The following CACNB1 variants were observed in gnomAD, a reference collection of about 807,000 sequenced individuals.
CACNB1 encodes voltage-dependent L-type calcium channel subunit beta-1.
A neutral mutation model predicts 71.6 loss-of-function variants in CACNB1; 29 were observed. That is an observed-to-expected ratio of 0.40 (90% CI 0.30 to 0.55). The LOEUF (loss-of-function observed/expected upper bound fraction) is 0.55, where lower values mean the gene tolerates loss of function less well. Ranked by LOEUF, CACNB1 falls within the 20% of genes least tolerant of loss-of-function variation. The probability of loss-of-function intolerance (pLI) is 0.38; values close to 1 mark genes in which losing one functional copy is unlikely to be tolerated. For synonymous variants in CACNB1, 300 were observed against 319.6 expected (o/e 0.94, Z 0.65); for missense variants, 623 against 801.8 (o/e 0.78, Z 2.69).
Position 39,177,493 on chromosome 17 carries a change from C to T in CACNB1, c.1189G>A (p.Ala397Thr), listed in dbSNP as rs1334416191. The change falls in exon 13 of 14, where the codon GCC (alanine) becomes ACC (threonine). Residue 397 changes from alanine to threonine, a missense_variant. Ala to Thr is a moderately conservative substitution (Grantham distance 58). Coordinates refer to ENST00000394303, the MANE Select transcript of CACNB1 (RefSeq NM_000723.5). ...IILDENQLED[A>T]CEHLAEYLEA... The stretch of plus-strand genomic sequence containing the variant: ...AAGTACTCCGCCAGATGCTCGCAGG[C>T]ATCCTCCAATTGGTTCTCATCCAGG... 1 of 1,607,544 alleles carries T rather than the reference C, an allele frequency of 6.2e-7. No individual in the cohort carries two copies. The highest frequency in any genetic ancestry group is 1.7e-5 in the Admixed American group (1 of 59,738).
intron 6 of CACNB1, among the ~76,000 whole-genome samples, chr17:39,185,706 C>CTCCTA (rs1440524887): frequency 3.8e-4 from 58 of 152,158 alleles, no homozygotes; most frequent in Non-Finnish European, 4.3e-4. Flanking sequence ...GACCACCAAA[C>CTCCTA]CCTGCTGCCC....
chr17:39,195,152 G>A, intron 1 of CACNB1, 182 bp from the exon 2 acceptor site: 2 of 564,322 alleles, frequency 3.5e-6, no homozygotes, highest in Non-Finnish European at 6.3e-6. Flanking sequence ...CATCCTCACG[G>A]AGAGGGCCCA....
chr17:39,178,108 G>T, intron 11 of CACNB1, 29 bp from the exon 12 acceptor site: 1 of 1,545,266 alleles, frequency 6.5e-7, no homozygotes, highest in South Asian at 1.1e-5. Flanking sequence ...AAAGGAAGAG[G>T]AGCTAGAGGG....
chr17:39,190,908 T>C (rs2046059079), intron 3 of CACNB1, among the ~76,000 whole-genome samples: 1 of 151,926 alleles, frequency 6.6e-6, no homozygotes, highest in East Asian at 1.9e-4. Context: ...ACACAGCTAT[T>C]AAGAGTCAGG....
At chr17:39,191,437 A>G in intron 3 of CACNB1, 37 bp downstream of exon 3, 1 of 1,570,392 alleles carries the variant, frequency 6.4e-7, no homozygotes, top group Non-Finnish European at 8.6e-7. Context: ...ACTGGGGGAA[A>G]TCATGCCAGC....
At chr17:39,179,758 A>C (rs989930775) in intron 11 of CACNB1, among the ~76,000 whole-genome samples, 2 of 151,382 alleles carry the variant, frequency 1.3e-5, no homozygotes, top group African/African-American at 4.9e-5. Context: ...ATAATACAAA[A>C]ATTAGCTTGG....
At position 39,197,402 on chromosome 17, in the gene CACNB1, C is replaced by G. The variant is rs1206282452; in HGVS notation, c.84+10G>C. 2.1e-6 allele frequency: 3 copies of G among 1,447,104 alleles called. No individual in the cohort carries two copies. Among genetic ancestry groups the G allele is most frequent in the African/African-American group, 1.5e-5 (1 of 66,074 alleles). 89.6% of individuals were successfully genotyped at this position (1,447,104 alleles called of 1,614,324 possible). A position where few individuals can be genotyped will look rare whatever the true frequency, so the allele number is the denominator to read the frequency against. The stretch of plus-strand genomic sequence containing the variant: ...ACCCCCTCCCGTTGGGCCGGGCCAC[C>G]ACGCCTCACCTGCGGGCTGGGGTCG... On this transcript the variant is annotated intron_variant, in intron 1 of 13. Transcript: ENST00000394303.
intron 10 of CACNB1, 71 bp downstream of exon 10, chr17:39,183,960 C>T: frequency 1.3e-6 from 2 of 1,527,360 alleles, no homozygotes; most frequent in South Asian, 2.3e-5. Context: ...CTGCCCACTA[C>T]CTCCCACACC....
At chr17:39,193,515 G>A (rs969525902) in intron 2 of CACNB1, 1 of 444,272 alleles carries the variant, frequency 2.3e-6, no homozygotes, top group Non-Finnish European at 4.5e-6. Context: ...CTGGCCTAGG[G>A]GGTGGCCCAA....
Position 39,174,248 on chromosome 17 carries a change from C to T in CACNB1, c.*945G>A, listed in dbSNP as rs2045523916. ...GAGCAGCAACAGCAGCAGCCAAGCCCCCCAGAGGAGATCCGAGGTCCCAAG... is the reference window on the plus strand; with the variant it reads ...GAGCAGCAACAGCAGCAGCCAAGCCTCCCAGAGGAGATCCGAGGTCCCAAG... On this transcript the variant is annotated 3_prime_UTR_variant, in exon 14 of 14. Coordinates refer to ENST00000394303, the MANE Select transcript of CACNB1 (RefSeq NM_000723.5). 1 of 153,252 alleles carries T rather than the reference C, an allele frequency of 6.5e-6. No homozygotes were observed. 9.5% of individuals were successfully genotyped at this position (153,252 alleles called of 1,614,324 possible).
At position 39,175,779 on chromosome 17, in the gene CACNB1, C is replaced by G; in HGVS notation, c.1333-122G>C. ...GGCCTGGATGAAGAGGGTGCTGGCT[C>G]TAGAGGAGGGGCCCCGGGGACAAAC... On this transcript the variant is annotated intron_variant, in intron 13 of 13. Transcript: ENST00000394303. This position sits in a 1 kb window ranked among gnomAD's most constrained non-coding sequence, Gnocchi z 4.7. 1 of 818,930 alleles carries G rather than the reference C, an allele frequency of 1.2e-6. No individual in the cohort carries two copies. The highest frequency in any genetic ancestry group is 1.9e-6 in the Non-Finnish European group (1 of 536,564). The allele number at this position is 818,930 out of a possible 1,614,324, so 50.7% of individuals were successfully genotyped here.
intron 3 of CACNB1, among the ~76,000 whole-genome samples, chr17:39,188,448 G>A (rs1016753982): frequency 4.6e-5 from 7 of 151,996 alleles, no homozygotes; most frequent in Non-Finnish European, 8.8e-5. Flanking sequence ...AGTGGCAGAT[G>A]CCTGTAATCC....
intron 11 of CACNB1, chr17:39,178,291 G>A: frequency 4.4e-6 from 2 of 456,204 alleles, no homozygotes; most frequent in Non-Finnish European, 4.0e-6. Flanking sequence ...CTGGTGTTAT[G>A]CCAGCCTTCC....
At chr17:39,193,462 C>T (rs779047318) in intron 2 of CACNB1, 16 of 453,568 alleles carry the variant, frequency 3.5e-5, no homozygotes, top group South Asian at 1.7e-4. Flanking sequence ...CACCACGGTC[C>T]GGCTGGGCGC....
chr17:39,183,000 C>T, intron 11 of CACNB1: 1 of 972,370 alleles, frequency 1.0e-6, no homozygotes, highest in Non-Finnish European at 1.2e-6. Flanking sequence ...TTCTCAGATC[C>T]CCACTGGCAT....
intron 11 of CACNB1, 120 bp from the exon 12 acceptor site, chr17:39,178,199 C>T: frequency 1.3e-6 from 1 of 748,224 alleles, no homozygotes; most frequent in Non-Finnish European, 2.4e-6. Flanking sequence ...CTTGAATGCT[C>T]CATAACTCTC....
At chr17:39,184,934 G>A in intron 7 of CACNB1, 70 bp from the exon 8 acceptor site, 9 of 1,196,534 alleles carry the variant, frequency 7.5e-6, no homozygotes, top group Non-Finnish European at 8.7e-6. Flanking sequence ...CCAGACTCCA[G>A]GCTCCCCCAT....
intron 3 of CACNB1, among the ~76,000 whole-genome samples, chr17:39,188,525 G>A (rs986992975): frequency 2.6e-5 from 4 of 151,884 alleles, no homozygotes; most frequent in Non-Finnish European, 5.9e-5. Context: ...AGTGAGCCGA[G>A]ATCATGCCAC....
rs2046157828 is a variant in CACNB1 at position 39,194,324 on chromosome 17, T to G, written c.171+560A>C. Among the ~76,000 whole-genome samples the G allele has an allele frequency of 6.6e-6, 1 of 152,036 alleles. No individual in the cohort carries two copies. The highest frequency in any genetic ancestry group is 2.1e-4 in the South Asian group (1 of 4,826). On this transcript the variant is annotated intron_variant, in intron 2 of 13. Transcript: ENST00000394303. The surrounding 1 kb of genome is among the most constrained non-coding windows in gnomAD (Gnocchi z 4.6). ...CCTTTCAGGCAGGGGTGCTGGGCTA[T>G]CATCTTCTCTATTATAAAATCAACA...
Sources: gnomAD v4.1 joint callset for allele counts (sites outside exome capture counted in the v4.1 genomes callset) on GRCh38, gnomAD v4.1.1 for gene constraint, Gnocchi (gnomAD v3.1) non-coding constraint, MANE v1.5 for transcripts, NCBI Gene and HGNC (gene_info 2026-07-23, HGNC 2026-07-21) for gene names.